Variants in TECTA observed in about 807,000 individuals in gnomAD.
The protein encoded by TECTA is alpha-tectorin.
A neutral mutation model predicts 216.8 loss-of-function variants in TECTA; 128 were observed. That is an observed-to-expected ratio of 0.59 (90% CI 0.51 to 0.68). TECTA has a LOEUF of 0.68. Among genes scored for constraint, TECTA ranks in the 30% least tolerant of loss-of-function variants. The pLI is 0.00. For synonymous variants in TECTA, 1,089 were observed against 1,117.1 expected, an observed-to-expected ratio of 0.97 and a Z score of 0.50; for missense variants, 2,551 against 2,786.2, an observed-to-expected ratio of 0.92 and a Z score of 1.90.
chr11:121,160,336 G>T lies in TECTA; in HGVS notation c.4891G>T (p.Asp1631Tyr), dbSNP rs1946986316. The T allele has an allele frequency of 5.0e-6, 8 of 1,614,166 alleles. No homozygotes were observed. Among genetic ancestry groups the T allele is most frequent in the Non-Finnish European group, 5.9e-6 (7 of 1,180,040 alleles). ...TGGCAACTTCAACGGGGACCTAACA[G>T]ATGATTATGTGACCTTGCGAGGGAA... ...LCGNFNGDLT[D>Y]DYVTLRGKPV... is the part of the protein sequence containing the mutation. The change falls in exon 15 of 24, where the codon GAT (aspartate) becomes TAT (tyrosine). Residue 1631 changes from aspartate to tyrosine, a missense_variant. Physicochemically the swap from Asp to Tyr is radical, Grantham distance 160. This residue lies in a region of TECTA where 2,375 missense variants were observed against 2,563.9 expected (regional missense o/e 0.93). Transcript: ENST00000392793.
chr11:121,179,766 T>C (rs560787754), intron 20 of TECTA, among the ~76,000 whole-genome samples: 30 of 152,170 alleles, frequency 2.0e-4, no homozygotes, highest in Non-Finnish European at 3.8e-4. Context: ...TTCTTCATTA[T>C]GTAATGATCT....
intron 3 of TECTA, among the ~76,000 whole-genome samples, chr11:121,106,960 G>A (rs1289528746): frequency 6.6e-6 from 1 of 152,182 alleles, no homozygotes; most frequent in Non-Finnish European, 1.5e-5. Context: ...TCCTCCAAGT[G>A]GTTCTGATGC....
At chr11:121,136,871 C>G (rs1304930824) in intron 10 of TECTA, among the ~76,000 whole-genome samples, 1 of 152,130 alleles carries the variant, frequency 6.6e-6, no homozygotes, top group African/African-American at 2.4e-5. Context: ...TAAGATTTAC[C>G]TTACTTTCCA....
Position 121,162,227 on chromosome 11 carries a change from C to T in TECTA, c.5129C>T (p.Pro1710Leu). ...CAGCCCTGCTATGGGCTTCTCGATCCCCTCCCATTCTACGAGTCCTGCTAC... is the reference window on the plus strand; with the variant it reads ...CAGCCCTGCTATGGGCTTCTCGATCTCCTCCCATTCTACGAGTCCTGCTAC... ...FFQPCYGLLD[P>L]LPFYESCYLD... The change falls in exon 16 of 24, where the codon CCC becomes CTC. Residue 1710 changes from proline (P) to leucine (L), a missense_variant. Pro to Leu is a moderately conservative substitution (Grantham distance 98, BLOSUM62 -3). Around this residue, in one of 3 missense-constraint regions of TECTA, gnomAD observed 2,375 missense variants for 2,563.9 expected, o/e 0.93. Coordinates refer to ENST00000392793, the MANE Select transcript of TECTA (RefSeq NM_005422.4). 1 of 1,614,190 alleles carries T rather than the reference C, an allele frequency of 6.2e-7. No individual in the cohort carries two copies. The highest frequency in any genetic ancestry group is 8.5e-7 in the Non-Finnish European group (1 of 1,180,048).
chr11:121,125,511 C>G lies in TECTA; in HGVS notation c.1413C>G (p.Asp471Glu). Residue 471 changes from aspartate to glutamate, a missense_variant, in exon 8 of 24, where the codon GAC (aspartate) becomes GAG (glutamate). By Grantham distance (45) the Asp-to-Glu change is conservative. Transcript: ENST00000392793. ...ACTATAATAAAAACCCACTGGATGA[C>G]TTCCTCCGCCCGGATGGCAGGCCGG... is the stretch of plus-strand genomic sequence containing the variant. ...CGNYNKNPLD[D>E]FLRPDGRPAM... 1.2e-6 allele frequency: 2 copies of G among 1,614,216 alleles called. No individual in the cohort carries two copies. Among genetic ancestry groups the G allele is most frequent in the Non-Finnish European group, 1.7e-6 (2 of 1,180,046 alleles).
At position 121,174,992 on chromosome 11, in the gene TECTA, G is replaced by A. The variant is rs1947150154; in HGVS notation, c.5999+6067G>A. ...GTTTATTTGCGTAGAGCTGTTTGTA[G>A]TATTCTCTGATGGTAGTTTGTATTT... On this transcript the variant is annotated intron_variant, in intron 20 of 23. Coordinates refer to ENST00000392793, the MANE Select transcript of TECTA (RefSeq NM_005422.4). 3.3e-5 allele frequency among the ~76,000 whole-genome samples: 5 copies of A among 152,290 alleles called. No homozygotes were observed. The South Asian group carries it at 1.0e-3, about 32-fold the overall frequency.
At chr11:121,146,956 G>A (rs1389198079) in intron 12 of TECTA, among the ~76,000 whole-genome samples, 3 of 152,184 alleles carry the variant, frequency 2.0e-5, no homozygotes, top group African/African-American at 7.2e-5. Context: ...TATAATCTGA[G>A]TGGCAAAGTC....
intron 11 of TECTA, among the ~76,000 whole-genome samples, chr11:121,141,671 G>T (rs568918489): frequency 6.6e-6 from 1 of 152,284 alleles, no homozygotes; most frequent in South Asian, 2.1e-4. Context: ...GGTTTTCAGG[G>T]CTCTAATAGC....
At chr11:121,173,086 C>T (rs371209880) in intron 20 of TECTA, among the ~76,000 whole-genome samples, 5 of 152,052 alleles carry the variant, frequency 3.3e-5, no homozygotes, top group South Asian at 2.1e-4. Flanking sequence ...ATTCTGGATA[C>T]TAGCCCTTTG....
chr11:121,188,278 C>T lies in TECTA; in HGVS notation c.6162+284C>T, dbSNP rs188194325. 3.1e-3 allele frequency among the ~76,000 whole-genome samples: 468 copies of T among 152,306 alleles called. 25 individuals carry two copies. Among genetic ancestry groups the T allele is most frequent in the Admixed American group, 0.031 (468 of 15,300 alleles). On this transcript the variant is annotated intron_variant, in intron 21 of 23. Transcript: ENST00000392793. ...CTGAATAATTCTTTGTTGTGGAGGA[C>T]TGTTCTGTGCACTGTAGGATGTTAG...
At chr11:121,173,172 G>C (rs1430341835) in intron 20 of TECTA, among the ~76,000 whole-genome samples, 1 of 152,032 alleles carries the variant, frequency 6.6e-6, no homozygotes, top group African/African-American at 2.4e-5. Flanking sequence ...TTCTTTTGCT[G>C]TGCAGAAGCT....
rs774228939 is a variant in TECTA, at chr11:121,113,062, C to T, written c.487-10C>T. The T allele has an allele frequency of 1.2e-6, 2 of 1,614,096 alleles. No homozygotes were observed. The highest frequency in any genetic ancestry group is 2.2e-5 in the South Asian group (2 of 91,068). On this transcript the variant is annotated splice_polypyrimidine_tract_variant and intron_variant, in intron 4 of 23. Transcript: ENST00000392793. The surrounding 1 kb of genome is among the most constrained non-coding windows in gnomAD (Gnocchi z 4.2). ...TGCAAGTCATGAGACTGCGCATTCC[C>T]ATCCTGTAGGTGAACACCTTCCAGG...
chr11:121,155,957 A>T (rs1946936519), intron 13 of TECTA, among the ~76,000 whole-genome samples: 1 of 152,218 alleles, frequency 6.6e-6, no homozygotes, highest in Non-Finnish European at 1.5e-5. Context: ...AAATGAAAAG[A>T]AAAGAATAGC....
rs147737590 is a variant in TECTA, at chr11:121,125,955, T to C, written c.1774+83T>C. 3.7e-4 allele frequency: 550 copies of C among 1,472,886 alleles called. 3 individuals carry two copies. The African/African-American group carries it at 6.7e-3, about 18-fold the overall frequency. The allele number at this position is 1,472,886 out of a possible 1,614,324, so 91.2% of individuals were successfully genotyped here. A position where few individuals can be genotyped will look rare whatever the true frequency, so the allele number is the denominator to read the frequency against. On this transcript the variant is annotated intron_variant, in intron 8 of 23. Coordinates refer to ENST00000392793, the MANE Select transcript of TECTA (RefSeq NM_005422.4). ...CTTTGGGGGCTCCTCCAAATGTCCT[T>C]GTTAAGACTTGTGACCCAAGAATGA...
At chr11:121,170,369 C>T (rs988570126) in intron 20 of TECTA, among the ~76,000 whole-genome samples, 5 of 152,032 alleles carry the variant, frequency 3.3e-5, no homozygotes, top group African/African-American at 1.2e-4. Context: ...GATAAATACC[C>T]AGTAGTGGCC....
chr11:121,174,907 G>C (rs958874507), intron 20 of TECTA, among the ~76,000 whole-genome samples: 1 of 152,118 alleles, frequency 6.6e-6, no homozygotes, highest in African/African-American at 2.4e-5. Context: ...ACTTCTTCCT[G>C]ATTTAGTCTT....
At chr11:121,112,855 A>T (rs1347419006) in intron 4 of TECTA, among the ~76,000 whole-genome samples, 1 of 152,244 alleles carries the variant, frequency 6.6e-6, no homozygotes. Flanking sequence ...GGTTTATCTC[A>T]GGCAATTTCT....
At chr11:121,181,218 T>A (rs560019611) in intron 20 of TECTA, among the ~76,000 whole-genome samples, 8 of 152,270 alleles carry the variant, frequency 5.3e-5, no homozygotes, top group Admixed American at 2.0e-4. Flanking sequence ...AGCTCTTGAT[T>A]GTATTTTTTA....
In TECTA at chr11:121,128,166, C is replaced by T. The variant is rs756171359; in HGVS notation, c.2189C>T (p.Ala730Val). Residue 730 changes from alanine to valine, a missense_variant, in exon 9 of 24, where the codon GCC (alanine) becomes GTC (valine). Around this residue, in one of 3 missense-constraint regions of TECTA, gnomAD observed 2,375 missense variants for 2,563.9 expected, o/e 0.93. Transcript: ENST00000392793. ...VLHTFDGASY[A>V]FPSEFSYTLL... ...CACACCTTTGACGGCGCCTCCTACG[C>T]CTTCCCCTCCGAGTTCTCCTACACC... 4.3e-6 allele frequency: 7 copies of T among 1,610,390 alleles called. No homozygotes were observed. The highest frequency in any genetic ancestry group is 5.9e-6 in the Non-Finnish European group (7 of 1,180,014).
Sources: allele counts gnomAD v4.1 joint callset (sites outside exome capture counted in the v4.1 genomes callset), GRCh38; gene constraint gnomAD v4.1.1; regional missense constraint gnomAD v4.1.1; non-coding constraint Gnocchi (gnomAD v3.1); transcripts MANE v1.5; gene names NCBI Gene and HGNC (gene_info 2026-07-23, HGNC 2026-07-21).